Variants in NAP1L4 observed in about 807,000 individuals in gnomAD.
NAP1L4 encodes the protein nucleosome assembly protein 1 like 4.
NAP1L4 carries 15 observed loss-of-function variants against 58.2 expected under a neutral mutation model. The observed-to-expected ratio is 0.26, with a 90% CI of 0.17 to 0.40. The LOEUF is 0.40. NAP1L4 is among the 10% of genes least tolerant of loss of function. The pLI, the probability that NAP1L4 is intolerant of heterozygous loss-of-function variation, is 1.00. For synonymous variants in NAP1L4, 171 were observed against 155.6 expected, an observed-to-expected ratio of 1.10 and a Z score of -0.74; for missense variants, 384 against 451.1, an observed-to-expected ratio of 0.85 and a Z score of 1.35.
At chr11:2,985,472 G>T (rs1262711816) in intron 1 of NAP1L4, among the ~76,000 whole-genome samples, 4 of 152,256 alleles carry the variant, frequency 2.6e-5, no homozygotes, top group Non-Finnish European at 5.9e-5. Context: ...CATCCAGAAG[G>T]TTCTCTCACT....
intron 8 of NAP1L4, among the ~76,000 whole-genome samples, chr11:2,961,132 G>GA (rs371076532): frequency 6.6e-6 from 1 of 151,586 alleles, no homozygotes; most frequent in Admixed American, 6.6e-5. Flanking sequence ...CAACGGGGGG[G>GA]AAATTAAGAG....
intron 7 of NAP1L4, among the ~76,000 whole-genome samples, chr11:2,968,170 G>C (rs1022025132): frequency 6.6e-6 from 1 of 152,274 alleles, no homozygotes; most frequent in Non-Finnish European, 1.5e-5. Flanking sequence ...AACGAACTAA[G>C]AGCTAGTCTT....
intron 3 of NAP1L4, 45 bp downstream of exon 3, chr11:2,978,239 C>T: frequency 1.9e-6 from 3 of 1,572,278 alleles, no homozygotes; most frequent in South Asian, 2.3e-5. Context: ...GAGAGAGGAA[C>T]GTTCCCCATA....
In NAP1L4 at chr11:2,959,079, T is replaced by C. The variant is rs1846713917; in HGVS notation, c.747-535A>G. The C allele has an allele frequency of 6.3e-6, 1 of 158,076 alleles. No homozygotes were observed. Among genetic ancestry groups the C allele is most frequent in the Non-Finnish European group, 1.4e-5 (1 of 71,350 alleles). 9.8% of individuals were successfully genotyped at this position (158,076 alleles called of 1,614,324 possible). A position where few individuals can be genotyped will look rare whatever the true frequency, so the allele number is the denominator to read the frequency against. Reference sequence around the variant, plus strand: ...CCAGGCAACACCTGGCAGATCTCAATACTGCCCGCTTAAGAACATGCTTGG... The same window carrying C: ...CCAGGCAACACCTGGCAGATCTCAACACTGCCCGCTTAAGAACATGCTTGG... On this transcript the variant is annotated intron_variant, in intron 9 of 15. Coordinates refer to ENST00000380542, the MANE Select transcript of NAP1L4 (RefSeq NM_005969.4). The surrounding 1 kb of genome is among the most constrained non-coding windows in gnomAD (Gnocchi z 4.9).
rs763622028 is a variant in NAP1L4 at position 2,972,070 on chromosome 11, T to C, written c.315+32A>G. On this transcript the variant is annotated intron_variant, in intron 5 of 15. Transcript: ENST00000380542. ...CCTAACACCTTCGTAAGCTGAAAAC[T>C]ATCTGTATATTAAATTAACAGAGCT... 3.3e-6 allele frequency: 5 copies of C among 1,508,688 alleles called. No homozygotes were observed. In the Admixed American group the frequency reaches 1.2e-4, roughly 37 times the overall value. The allele number at this position is 1,508,688 out of a possible 1,614,324, so 93.5% of individuals were successfully genotyped here. A position where few individuals can be genotyped will look rare whatever the true frequency, so the allele number is the denominator to read the frequency against.
rs1485649784 is a variant in NAP1L4, at chr11:2,955,252, G to A, written c.915+492C>T. Among the ~76,000 whole-genome samples, 1 of 151,906 alleles carries A rather than the reference G, an allele frequency of 6.6e-6. No individual in the cohort carries two copies. The highest frequency in any genetic ancestry group is 1.5e-5 in the Non-Finnish European group (1 of 67,986). On this transcript the variant is annotated intron_variant, in intron 11 of 15. Coordinates refer to ENST00000380542, the MANE Select transcript of NAP1L4 (RefSeq NM_005969.4). This position sits in a 1 kb window ranked among gnomAD's most constrained non-coding sequence, Gnocchi z 4.2. ...CTTGCTCTGTCGCCCAATGGAATACGGTGGTGCAATCTCAGCTCACTGCAA... is the reference window on the plus strand; with the variant it reads ...CTTGCTCTGTCGCCCAATGGAATACAGTGGTGCAATCTCAGCTCACTGCAA...
intron 7 of NAP1L4, among the ~76,000 whole-genome samples, chr11:2,969,210 C>CA (rs1006880145): frequency 3.9e-5 from 6 of 152,180 alleles, no homozygotes; most frequent in African/African-American, 1.4e-4. Context: ...AGGCTGGTCT[C>CA]AAACGATCTG....
intron 12 of NAP1L4, chr11:2,952,279 A>G (rs190617157): frequency 6.1e-6 from 1 of 164,818 alleles, no homozygotes; most frequent in East Asian, 1.8e-4. Context: ...GAAATATATT[A>G]AAACTTTGGT....
At chr11:2,975,326 A>C (rs142917673) in intron 4 of NAP1L4, among the ~76,000 whole-genome samples, 34 of 152,200 alleles carry the variant, frequency 2.2e-4, no homozygotes, top group Non-Finnish European at 4.1e-4. Flanking sequence ...AAAACCAAAA[A>C]TTCCTTCCAG....
At position 2,946,303 on chromosome 11, in the gene NAP1L4, C is replaced by T. The variant is rs1346138373; in HGVS notation, c.*33-657G>A. On this transcript the variant is annotated intron_variant, in intron 15 of 15. Coordinates refer to ENST00000380542, the MANE Select transcript of NAP1L4 (RefSeq NM_005969.4). The surrounding 1 kb of genome is among the most constrained non-coding windows in gnomAD (Gnocchi z 4.8). Reference sequence around the variant, plus strand: ...CTCACCAAGGGGCAATGCTATCCTTCCAGTAACGGCATCCGGGACACAAAA... The same window carrying T: ...CTCACCAAGGGGCAATGCTATCCTTTCAGTAACGGCATCCGGGACACAAAA... 6.6e-6 allele frequency among the ~76,000 whole-genome samples: 1 copy of T among 152,284 alleles called. No individual in the cohort carries two copies. Among genetic ancestry groups the T allele is most frequent in the Admixed American group, 6.5e-5 (1 of 15,300 alleles).
intron 1 of NAP1L4, chr11:2,991,778 T>C (rs1169336648): frequency 1.3e-5 from 2 of 152,218 alleles, no homozygotes; most frequent in African/African-American, 4.8e-5. Context: ...AATAAAGAAG[T>C]CCTGGACGTC....
In NAP1L4 at chr11:2,945,206, A is replaced by G; in HGVS notation, c.*473T>C. On this transcript the variant is annotated 3_prime_UTR_variant, in exon 16 of 16. Transcript: ENST00000380542. ...AAGTGGGTTTCTTCGGATGAAAGGG[A>G]AGAATTCAGTCCAACTGCAGGAGGG... 5.5e-6 allele frequency: 1 copy of G among 180,374 alleles called. No individual in the cohort carries two copies. Among genetic ancestry groups the G allele is most frequent in the Non-Finnish European group, 1.2e-5 (1 of 86,816 alleles). 11.2% of individuals were successfully genotyped at this position (180,374 alleles called of 1,614,324 possible). A position where few individuals can be genotyped will look rare whatever the true frequency, so the allele number is the denominator to read the frequency against.
chr11:2,963,836 T>C (rs916120286), intron 8 of NAP1L4: 3 of 519,150 alleles, frequency 5.8e-6, no homozygotes, highest in Admixed American at 1.9e-5. Flanking sequence ...GGAAATGCTA[T>C]TGCACCGGAA....
chr11:2,973,974 C>T (rs1439842376), intron 4 of NAP1L4, among the ~76,000 whole-genome samples: 3 of 152,152 alleles, frequency 2.0e-5, no homozygotes, highest in Non-Finnish European at 2.9e-5. Flanking sequence ...GACCATGTTG[C>T]CCAGGCTGGT....
intron 1 of NAP1L4, among the ~76,000 whole-genome samples, chr11:2,980,957 A>G (rs779186351): frequency 6.0e-4 from 91 of 152,004 alleles, no homozygotes; most frequent in Non-Finnish European, 8.2e-4. Flanking sequence ...CAGCAGGCAC[A>G]GTGGTTCATG....
chr11:2,952,194 G>C (rs948400695), intron 12 of NAP1L4: 3 of 256,044 alleles, frequency 1.2e-5, no homozygotes, highest in Non-Finnish European at 2.3e-5. Flanking sequence ...GATCGAACCA[G>C]CAGCATAATG....
intron 4 of NAP1L4, 92 bp from the exon 5 acceptor site, chr11:2,972,335 T>C: frequency 8.5e-7 from 1 of 1,178,644 alleles, no homozygotes. Context: ...TAGGTTAACA[T>C]GGAATCAACA....
chr11:2,971,021 A>G lies in NAP1L4; in HGVS notation c.402+427T>C, dbSNP rs1413033578. ...CTGTGAGCAGGTGACTGATGGCCAC[A>G]CCACAACCACCATCTGCAACCAATC... On this transcript the variant is annotated intron_variant, in intron 6 of 15. Coordinates refer to ENST00000380542, the MANE Select transcript of NAP1L4 (RefSeq NM_005969.4). The surrounding 1 kb of genome is among the most constrained non-coding windows in gnomAD (Gnocchi z 4.2). Among the ~76,000 whole-genome samples, 1 of 152,184 alleles carries G rather than the reference A, an allele frequency of 6.6e-6. No homozygotes were observed. Among genetic ancestry groups the G allele is most frequent in the African/African-American group, 2.4e-5 (1 of 41,456 alleles).
Position 2,964,747 on chromosome 11 carries a change from T to C in NAP1L4, c.539A>G (p.Tyr180Cys), listed in dbSNP as rs201172161. The C allele has an allele frequency of 2.7e-5, 43 of 1,612,404 alleles. No homozygotes were observed. The highest frequency in any genetic ancestry group is 3.4e-5 in the Non-Finnish European group (40 of 1,178,790). The change falls in exon 8 of 16, where the codon TAT (tyrosine) becomes TGT (cysteine). Residue 180 changes from tyrosine to cysteine, a missense_variant. This residue lies in a region of NAP1L4 where 296 missense variants were observed against 360.8 expected (regional missense o/e 0.82). Coordinates refer to ENST00000380542, the MANE Select transcript of NAP1L4 (RefSeq NM_005969.4). ...VDMLSELVQE[Y>C]DEPILKHLQD... ...CAGGTGTTTCAAGATTGGTTCATCA[T>C]ATTCCTAATCAAAAAGAGAAAAAAA...
Sources: allele counts gnomAD v4.1 joint callset (sites outside exome capture counted in the v4.1 genomes callset), GRCh38; gene constraint gnomAD v4.1.1; regional missense constraint gnomAD v4.1.1; non-coding constraint Gnocchi (gnomAD v3.1); transcripts MANE v1.5; gene names NCBI Gene and HGNC (gene_info 2026-07-23, HGNC 2026-07-21).